TMLHE: variants seen among roughly 807,000 people sequenced by gnomAD.
TMLHE encodes the protein trimethyllysine dioxygenase, mitochondrial.
Under a neutral mutation model 25.7 loss-of-function variants are expected in TMLHE, and 18 were observed. The observed-to-expected ratio is 0.70, with a 90% CI of 0.48 to 1.04. The LOEUF is 1.04. Among genes scored for constraint, TMLHE ranks in the 50% least tolerant of loss-of-function variants. The pLI, the probability that TMLHE is intolerant of heterozygous loss-of-function variation, is 0.00. For synonymous variants in TMLHE, 105 were observed against 97.0 expected (o/e 1.08, Z -0.49); for missense variants, 236 against 259.0 (o/e 0.91, Z 0.61).
At chrX:155,595,964 C>A (rs1329589387) in intron 1 of TMLHE, among the ~76,000 whole-genome samples, 2 of 111,311 alleles carry the variant, frequency 1.8e-5, no homozygotes, top group Non-Finnish European at 1.9e-5. Flanking sequence ...AAGAAAATCA[C>A]CCAAGAGAAA....
chrX:155,532,288 T>A (rs1557337134), intron 2 of TMLHE, among the ~76,000 whole-genome samples: 1 of 111,446 alleles, frequency 9.0e-6, no homozygotes, highest in Non-Finnish European at 1.9e-5. Flanking sequence ...TTACAGAAAA[T>A]CCTATTGCCT....
chrX:155,580,621 A>G lies in TMLHE; in HGVS notation c.-2+32171T>C, dbSNP rs781982456. 1.4e-4 allele frequency among the ~76,000 whole-genome samples: 16 copies of G among 112,245 alleles called. No individual in the cohort carries two copies. The South Asian group carries it at 2.2e-3, about 16-fold the overall frequency. The stretch of plus-strand genomic sequence containing the variant: ...ACAATTTACAAAAGAAATAGGTTTA[A>G]TGGACTTACAGTTCCACGTGGCTGG... On this transcript the variant is annotated intron_variant, in intron 1 of 7. Transcript: ENST00000334398.
intron 1 of TMLHE, among the ~76,000 whole-genome samples, chrX:155,552,697 A>C (rs892447007): frequency 4.6e-5 from 5 of 109,820 alleles, no homozygotes; most frequent in African/African-American, 1.4e-4. Flanking sequence ...GCTGTCTGTC[A>C]AATATGTCTT....
intron 2 of TMLHE, among the ~76,000 whole-genome samples, chrX:155,537,753 T>A (rs1569561996): frequency 9.0e-6 from 1 of 111,184 alleles, no homozygotes; most frequent in Admixed American, 9.6e-5. Flanking sequence ...GCCATACTTC[T>A]CTGACAAAGC....
Position 155,584,735 on chromosome X carries a change from A to T in TMLHE, c.-2+28057T>A, listed in dbSNP as rs782752600. On this transcript the variant is annotated intron_variant, in intron 1 of 7. Transcript: ENST00000334398. ...GTATTCAATGTCCTGAAAGAAAAAA[A>T]AACTGCCAGCCAAGGATACTATCCC... Among the ~76,000 whole-genome samples the T allele has an allele frequency of 3.6e-5, 4 of 111,533 alleles. No individual in the cohort carries two copies. The South Asian group carries it at 1.5e-3, about 42-fold the overall frequency.
Position 155,549,267 on chromosome X carries a change from T to G in TMLHE, c.-1-3990A>C, listed in dbSNP as rs1557339611. ...CATTGTGCTCACTAGTTAGGAGGAG[T>G]AAGCATGGACAACCTTGCCTTGTTC... is the stretch of plus-strand genomic sequence containing the variant. On this transcript the variant is annotated intron_variant, in intron 1 of 7. Coordinates refer to ENST00000334398, the MANE Select transcript of TMLHE (RefSeq NM_018196.4). 2.7e-5 allele frequency among the ~76,000 whole-genome samples: 3 copies of G among 110,667 alleles called. 1 individual carries two copies. The highest frequency in any genetic ancestry group is 5.7e-5 in the Non-Finnish European group (3 of 52,985).
intron 1 of TMLHE, among the ~76,000 whole-genome samples, chrX:155,558,525 G>C (rs927627811): frequency 2.5e-4 from 28 of 111,609 alleles, no homozygotes; most frequent in African/African-American, 8.8e-4. Context: ...CTAGTACTTA[G>C]CAGAACTCCA....
At chrX:155,549,153 C>T (rs923906769) in intron 1 of TMLHE, among the ~76,000 whole-genome samples, 2 of 111,175 alleles carry the variant, frequency 1.8e-5, no homozygotes, top group African/African-American at 6.6e-5. Context: ...GGAAATTTCT[C>T]AGCATTTTCT....
At chrX:155,534,393 C>T (rs1029399521) in intron 2 of TMLHE, among the ~76,000 whole-genome samples, 9 of 110,929 alleles carry the variant, frequency 8.1e-5, no homozygotes, top group Admixed American at 7.7e-4. Flanking sequence ...GCCACCATGC[C>T]CAGCTAATTT....
intron 1 of TMLHE, among the ~76,000 whole-genome samples, chrX:155,568,589 A>G (rs1557342474): frequency 1.6e-5 from 1 of 62,208 alleles, no homozygotes; most frequent in African/African-American, 3.6e-5. Flanking sequence ...ACCCCCCAGT[A>G]GGGGCAGACT....
At chrX:155,547,822 C>G (rs1459326504) in intron 1 of TMLHE, among the ~76,000 whole-genome samples, 2 of 110,787 alleles carry the variant, frequency 1.8e-5, no homozygotes, top group African/African-American at 3.3e-5. Flanking sequence ...TATTTACCAC[C>G]CCATTCTTTC....
chrX:155,585,990 C>G (rs782694305), intron 1 of TMLHE, among the ~76,000 whole-genome samples: 4 of 110,861 alleles, frequency 3.6e-5, no homozygotes, highest in Non-Finnish European at 7.6e-5. Context: ...TTGGGGAGGC[C>G]GAGGCGGGCG....
chrX:155,588,333 C>T (rs1557345524), intron 1 of TMLHE, among the ~76,000 whole-genome samples: 1 of 111,756 alleles, frequency 8.9e-6, no homozygotes. Context: ...CTTTCTCTCT[C>T]CATATAAAAA....
At chrX:155,549,302 G>C (rs998218398) in intron 1 of TMLHE, among the ~76,000 whole-genome samples, 8 of 110,362 alleles carry the variant, frequency 7.2e-5, no homozygotes, top group East Asian at 2.8e-4. Flanking sequence ...CCTGATCTTA[G>C]GGGAAAACAT....
intron 1 of TMLHE, among the ~76,000 whole-genome samples, chrX:155,569,486 G>A (rs1462182462): frequency 3.5e-5 from 2 of 56,433 alleles, no homozygotes; most frequent in Admixed American, 2.1e-4. Flanking sequence ...TACAGAGAAC[G>A]CCACAAAGAT....
intron 1 of TMLHE, among the ~76,000 whole-genome samples, chrX:155,549,087 T>C (rs1399779185): frequency 9.0e-6 from 1 of 111,659 alleles, no homozygotes; most frequent in African/African-American, 3.3e-5. Context: ...TTTTATATTC[T>C]GACCTGGAAT....
At chrX:155,611,176 G>A (rs1557348291) in intron 1 of TMLHE, among the ~76,000 whole-genome samples, 1 of 111,207 alleles carries the variant, frequency 9.0e-6, no homozygotes, top group East Asian at 2.8e-4. Flanking sequence ...GAACCTACAG[G>A]TATGGAGCAG....
At position 155,511,811 on chromosome X, in the gene TMLHE, A is replaced by G; in HGVS notation, c.639-19T>C. Reference sequence around the variant, plus strand: ...GGTTTCTCTGTTAGTTGAAATAAAGAAAGACCTGTTAGCTATTTGAAATGT... The same window carrying G: ...GGTTTCTCTGTTAGTTGAAATAAAGGAAGACCTGTTAGCTATTTGAAATGT... On this transcript the variant is annotated intron_variant, in intron 4 of 7. Coordinates refer to ENST00000334398, the MANE Select transcript of TMLHE (RefSeq NM_018196.4). 8.7e-7 allele frequency: 1 copy of G among 1,152,869 alleles called. No individual in the cohort carries two copies. Among genetic ancestry groups the G allele is most frequent in the Non-Finnish European group, 1.2e-6 (1 of 857,110 alleles).
intron 1 of TMLHE, among the ~76,000 whole-genome samples, chrX:155,553,125 T>C (rs1351122253): frequency 9.0e-6 from 1 of 110,912 alleles, no homozygotes; most frequent in Non-Finnish European, 1.9e-5. Flanking sequence ...CACGTATTTT[T>C]CTATGTGCAG....
Sources: gnomAD v4.1 joint callset for allele counts (sites outside exome capture counted in the v4.1 genomes callset) on GRCh38, gnomAD v4.1.1 for gene constraint, MANE v1.5 for transcripts, NCBI Gene and HGNC (gene_info 2026-07-23, HGNC 2026-07-21) for gene names.